GRAMD1C: variants seen among roughly 807,000 people sequenced by gnomAD.
The protein encoded by GRAMD1C is protein Aster-C.
Under a neutral mutation model 97.8 loss-of-function variants are expected in GRAMD1C, and 89 were observed. The ratio of observed to expected loss-of-function variants is 0.91; its 90% CI spans 0.77 to 1.09. The LOEUF (loss-of-function observed/expected upper bound fraction) is 1.09. Ranked by LOEUF, GRAMD1C falls within the 50% of genes least tolerant of loss-of-function variation. The pLI, the probability that GRAMD1C is intolerant of heterozygous loss-of-function variation, is 0.00. For missense variants in GRAMD1C, 740 were observed against 766.4 expected (o/e 0.97, Z 0.41); for synonymous variants, 256 against 267.0 (o/e 0.96, Z 0.40).
In GRAMD1C at chr3:113,885,370, A is replaced by G. The variant is rs138609013; in HGVS notation, c.540+2538A>G. ...CGCTGCCAAGCTCTGGAGCTTCTTC[A>G]TTTACCTTTTGCGGGGGCAGATCCG... is the stretch of plus-strand genomic sequence containing the variant. On this transcript the variant is annotated intron_variant, in intron 6 of 17. Transcript: ENST00000358160. 1,890 of 1,592,648 alleles carry G rather than the reference A, an allele frequency of 1.2e-3. 27 individuals carry two copies. In the African/African-American group the frequency reaches 0.022, roughly 19 times the overall value.
At chr3:113,836,467 A>C (rs1157923977), upstream of GRAMD1C, among the ~76,000 whole-genome samples, 1 of 151,690 alleles carries the variant, frequency 6.6e-6, no homozygotes, top group Non-Finnish European at 1.5e-5. Flanking sequence ...TTCTCTGTGT[A>C]TTCATCTTCG....
intron 8 of GRAMD1C, among the ~76,000 whole-genome samples, chr3:113,908,320 A>G (rs930107360): frequency 1.3e-5 from 2 of 152,236 alleles, no homozygotes; most frequent in Non-Finnish European, 2.9e-5. Context: ...TTTATTATAG[A>G]GATGACATCA....
chr3:113,872,963 T>C (rs1051094819), intron 3 of GRAMD1C, among the ~76,000 whole-genome samples: 1 of 150,036 alleles, frequency 6.7e-6, no homozygotes, highest in Non-Finnish European at 1.5e-5. Flanking sequence ...CCAGCGCCTA[T>C]AGTCCCAGCT....
chr3:113,854,634 C>T (rs975614200), intron 2 of GRAMD1C, among the ~76,000 whole-genome samples: 1 of 152,044 alleles, frequency 6.6e-6, no homozygotes, highest in African/African-American at 2.4e-5. Context: ...TCCTAATCTT[C>T]CTTTGTAAAA....
At chr3:113,898,329 A>G (rs1352214562) in intron 6 of GRAMD1C, among the ~76,000 whole-genome samples, 5 of 152,146 alleles carry the variant, frequency 3.3e-5, no homozygotes, top group Admixed American at 2.6e-4. Flanking sequence ...TTTATAAAAG[A>G]TTAGTCTTAC....
Position 113,841,061 on chromosome 3 carries a change from C to T in GRAMD1C, c.27+2125C>T, listed in dbSNP as rs371973072. ...AGAGACACTGAACAGAACATATTAG[C>T]CAAATCTATCACAGCAAAATATTTA... On this transcript the variant is annotated intron_variant, in intron 1 of 17. Transcript: ENST00000358160. Among the ~76,000 whole-genome samples, 5 of 152,206 alleles carry T rather than the reference C, an allele frequency of 3.3e-5. No individual in the cohort carries two copies. In the South Asian group the frequency reaches 1.0e-3, roughly 32 times the overall value.
intron 10 of GRAMD1C, among the ~76,000 whole-genome samples, chr3:113,922,187 T>C (rs1034366066): frequency 1.3e-5 from 2 of 152,092 alleles, no homozygotes; most frequent in Non-Finnish European, 2.9e-5. Flanking sequence ...TTCTCCTGCC[T>C]CAGCCCCCCA....
rs1045563886 is a variant in GRAMD1C, at chr3:113,914,680, G to T, written c.953-1021G>T. Among the ~76,000 whole-genome samples the T allele has an allele frequency of 8.7e-4, 126 of 145,340 alleles. 2 individuals carry two copies. The highest frequency in any genetic ancestry group is 2.1e-3 in the Admixed American group (31 of 14,522). ...TATTATGCCAGGCTTCTGTTCCTTG[G>T]TTTTTTTTTTTTCTTTTCTGTTTGG... On this transcript the variant is annotated intron_variant, in intron 9 of 17. Coordinates refer to ENST00000358160, the MANE Select transcript of GRAMD1C (RefSeq NM_017577.5).
intron 2 of GRAMD1C, among the ~76,000 whole-genome samples, chr3:113,855,453 C>T (rs754432824): frequency 1.3e-5 from 2 of 152,154 alleles, no homozygotes; most frequent in Non-Finnish European, 2.9e-5. Context: ...CCTGTAATCC[C>T]AGCACTTTGG....
chr3:113,830,885 G>A (rs971627609), intron 1 of GRAMD1C, among the ~76,000 whole-genome samples: 1 of 152,150 alleles, frequency 6.6e-6, no homozygotes, highest in African/African-American at 2.4e-5. Context: ...GGTCACCTGA[G>A]GTTAGGAATT....
At chr3:113,882,536 T>C (rs531619596) in intron 5 of GRAMD1C, among the ~76,000 whole-genome samples, 5 of 152,308 alleles carry the variant, frequency 3.3e-5, no homozygotes, top group South Asian at 2.1e-4. Context: ...ATTGTGTTTA[T>C]TGGAAGATAA....
intron 2 of GRAMD1C, among the ~76,000 whole-genome samples, chr3:113,851,329 G>C (rs756034778): frequency 1.1e-4 from 17 of 152,024 alleles, no homozygotes; most frequent in Non-Finnish European, 2.4e-4. Context: ...AAAAAAGATG[G>C]AGTAGGAGAA....
intron 2 of GRAMD1C, among the ~76,000 whole-genome samples, chr3:113,867,122 C>T (rs1164446318): frequency 6.6e-6 from 1 of 152,044 alleles, no homozygotes; most frequent in Non-Finnish European, 1.5e-5. Flanking sequence ...AGCCGTCATG[C>T]CTGGCCCACC....
At chr3:113,932,580 G>A (rs1937477406) in intron 11 of GRAMD1C, among the ~76,000 whole-genome samples, 1 of 152,082 alleles carries the variant, frequency 6.6e-6, no homozygotes, top group Non-Finnish European at 1.5e-5. Flanking sequence ...TCACCTAACA[G>A]GAACACTTAA....
chr3:113,868,943 A>G (rs988385353), intron 2 of GRAMD1C, among the ~76,000 whole-genome samples: 4 of 151,982 alleles, frequency 2.6e-5, no homozygotes, highest in South Asian at 2.1e-4. Context: ...GCTTGCTCCA[A>G]TTGGTACTGG....
rs1292171552 is a variant in GRAMD1C at position 113,882,749 on chromosome 3, C to A, written c.460-3C>A. 1.2e-5 allele frequency: 19 copies of A among 1,537,276 alleles called. No individual in the cohort carries two copies. Among genetic ancestry groups the A allele is most frequent in the African/African-American group, 2.7e-5 (2 of 73,418 alleles). On this transcript the variant is annotated splice_region_variant and splice_polypyrimidine_tract_variant and intron_variant, in intron 5 of 17. Transcript: ENST00000358160. ...AAAATTCTCCTATTATTTTTCTTTG[C>A]AGTTTTTCTTCACATCTTTTGGTGC...
intron 6 of GRAMD1C, among the ~76,000 whole-genome samples, chr3:113,884,147 A>T (rs1677297235): frequency 6.6e-6 from 1 of 151,982 alleles, no homozygotes; most frequent in Non-Finnish European, 1.5e-5. Flanking sequence ...CAGTAGCAGA[A>T]TATATATATA....
intron 5 of GRAMD1C, among the ~76,000 whole-genome samples, chr3:113,878,559 T>C (rs915079971): frequency 6.6e-6 from 1 of 152,188 alleles, no homozygotes; most frequent in Non-Finnish European, 1.5e-5. Context: ...TACACTCACT[T>C]ATACATCTGT....
chr3:113,867,625 A>G (rs1277393898), intron 2 of GRAMD1C, among the ~76,000 whole-genome samples: 1 of 152,154 alleles, frequency 6.6e-6, no homozygotes, highest in African/African-American at 2.4e-5. Context: ...CTTGTAAAGC[A>G]GGTCTGTTCT....
Sources: allele counts gnomAD v4.1 joint callset (sites outside exome capture counted in the v4.1 genomes callset), GRCh38; gene constraint gnomAD v4.1.1; transcripts MANE v1.5; gene names NCBI Gene and HGNC (gene_info 2026-07-23, HGNC 2026-07-21).